ARFGEF1: variants seen among roughly 807,000 people sequenced by gnomAD.
ARFGEF1 encodes the protein ARF guanine nucleotide exchange factor 1.
A neutral mutation model predicts 231.0 loss-of-function variants in ARFGEF1; 42 were observed. The observed-to-expected ratio is 0.18, with a 90% CI of 0.14 to 0.24. ARFGEF1 has a LOEUF of 0.24. ARFGEF1 is among the 10% of genes least tolerant of loss of function. The probability of loss-of-function intolerance (pLI) is 1.00; values close to 1 mark genes in which losing one functional copy is unlikely to be tolerated. For missense variants in ARFGEF1, 1,345 were observed against 2,192.0 expected, an observed-to-expected ratio of 0.61 and a Z score of 7.72; for synonymous variants, 710 against 732.3, an observed-to-expected ratio of 0.97 and a Z score of 0.49.
intron 27 of ARFGEF1, among the ~76,000 whole-genome samples, chr8:67,226,891 A>G (rs1302973779): frequency 4.6e-5 from 7 of 152,126 alleles, no homozygotes; most frequent in Admixed American, 6.6e-5. Context: ...GGGATGGACA[A>G]TAATGTTTAA....
intron 7 of ARFGEF1, among the ~76,000 whole-genome samples, chr8:67,283,389 T>C (rs1805618151): frequency 1.3e-5 from 2 of 152,266 alleles, no homozygotes; most frequent in South Asian, 2.1e-4. Flanking sequence ...CCCAGTGATA[T>C]AATGAAATTC....
intron 1 of ARFGEF1, among the ~76,000 whole-genome samples, chr8:67,306,251 T>C (rs767685502): frequency 1.1e-4 from 16 of 152,164 alleles, no homozygotes; most frequent in Non-Finnish European, 1.6e-4. Context: ...TGTGACTAAA[T>C]GGGAAGGTAG....
intron 1 of ARFGEF1, among the ~76,000 whole-genome samples, chr8:67,334,069 G>C (rs895649826): frequency 6.8e-6 from 1 of 147,686 alleles, no homozygotes; most frequent in Admixed American, 6.9e-5. Context: ...CTGGGAAGCG[G>C]AAGTTACAGT....
downstream of ARFGEF1, among the ~76,000 whole-genome samples, chr8:67,193,051 CTA>C (rs890136313): frequency 6.6e-6 from 1 of 152,116 alleles, no homozygotes; most frequent in African/African-American, 2.4e-5. Flanking sequence ...TATACGTGCT[CTA>C]TATTTTCATG....
intron 29 of ARFGEF1, among the ~76,000 whole-genome samples, chr8:67,222,269 A>ATTTT (rs1174208098): frequency 8.8e-5 from 9 of 101,948 alleles, no homozygotes; most frequent in Non-Finnish European, 1.6e-4. Flanking sequence ...GTATGTATGT[A>ATTTT]TTTTTTTTTT....
At chr8:67,332,564 T>C (rs1050330478) in intron 1 of ARFGEF1, among the ~76,000 whole-genome samples, 1 of 152,238 alleles carries the variant, frequency 6.6e-6, no homozygotes, top group Non-Finnish European at 1.5e-5. Context: ...GATCCCATGA[T>C]GAACACATGA....
intron 19 of ARFGEF1, among the ~76,000 whole-genome samples, chr8:67,243,929 C>A (rs1317548698): frequency 6.6e-6 from 1 of 151,632 alleles, no homozygotes; most frequent in African/African-American, 2.4e-5. Flanking sequence ...AAAAAAAAAT[C>A]AAACAAAATT....
chr8:67,258,410 C>T, intron 15 of ARFGEF1, 120 bp from the exon 16 acceptor site: 1 of 673,252 alleles, frequency 1.5e-6, no homozygotes, highest in Non-Finnish European at 2.4e-6. Flanking sequence ...ACTGCAACCT[C>T]TGCCCCCAGG....
rs991839743 is a variant in ARFGEF1, at chr8:67,273,114, T to TAATAA, written c.1338-1183_1338-1179dup. Among the ~76,000 whole-genome samples, 15 of 151,908 alleles carry TAATAA rather than the reference T, an allele frequency of 9.9e-5. 1 individual carries two copies. The highest frequency in any genetic ancestry group is 3.9e-4 in the East Asian group (2 of 5,164). On this transcript the variant is annotated intron_variant, in intron 9 of 38. Coordinates refer to ENST00000262215, the MANE Select transcript of ARFGEF1 (RefSeq NM_006421.5). ...AGAGTGAGACTCCGTGTCCAAAAAA[T>TAATAA]AATAAAATAAAATAAAATAAAAATA...
intron 1 of ARFGEF1, among the ~76,000 whole-genome samples, chr8:67,339,699 A>AG (rs1461803012): frequency 2.8e-5 from 4 of 142,974 alleles, no homozygotes; most frequent in African/African-American, 1.1e-4. Context: ...CTCTCTGCAG[A>AG]GAGCTGTAGT....
At chr8:67,335,823 T>A (rs1378686909) in intron 1 of ARFGEF1, among the ~76,000 whole-genome samples, 3 of 152,026 alleles carry the variant, frequency 2.0e-5, no homozygotes, top group Non-Finnish European at 4.4e-5. Flanking sequence ...CTTGGCTCAC[T>A]GCAACCTCCG....
chr8:67,185,117 A>T (rs560049447), intron 5 of ARFGEF1, among the ~76,000 whole-genome samples: 1 of 149,500 alleles, frequency 6.7e-6, no homozygotes. Context: ...AAAAAAAAAA[A>T]CAAAAACAAA....
At chr8:67,259,752 T>C in intron 15 of ARFGEF1, 63 bp downstream of exon 15, 1 of 1,266,546 alleles carries the variant, frequency 7.9e-7, no homozygotes, top group South Asian at 1.4e-5. Context: ...CTGTCTCTAA[T>C]AAAAAGAAAA....
chr8:67,272,565 T>C (rs892048574), intron 9 of ARFGEF1, among the ~76,000 whole-genome samples: 2 of 152,208 alleles, frequency 1.3e-5, no homozygotes. Flanking sequence ...ATATGTTGTG[T>C]TCCTTTCTTT....
At chr8:67,214,321 G>A (rs1247338796) in intron 33 of ARFGEF1, among the ~76,000 whole-genome samples, 1 of 152,214 alleles carries the variant, frequency 6.6e-6, no homozygotes, top group Non-Finnish European at 1.5e-5. Flanking sequence ...TGGCTGAATT[G>A]TTGGGTGGAA....
intron 7 of ARFGEF1, among the ~76,000 whole-genome samples, chr8:67,278,535 T>C (rs16933236): frequency 6.6e-5 from 10 of 152,110 alleles, no homozygotes. Context: ...CTCTCCAAAT[T>C]AGAACACCCT....
At chr8:67,233,016 A>C in intron 22 of ARFGEF1, 71 bp from the exon 23 acceptor site, 2 of 1,237,668 alleles carry the variant, frequency 1.6e-6, no homozygotes, top group Non-Finnish European at 2.3e-6. Flanking sequence ...AACAAGTTCT[A>C]AAACATACTT....
chr8:67,217,205 A>G (rs1264410158), intron 32 of ARFGEF1, among the ~76,000 whole-genome samples: 12 of 151,674 alleles, frequency 7.9e-5, no homozygotes, highest in African/African-American at 2.7e-4. Flanking sequence ...TTGGGAGGCT[A>G]AGGCAGGATA....
downstream of ARFGEF1, among the ~76,000 whole-genome samples, chr8:67,197,343 A>T (rs1361601326): frequency 6.6e-6 from 1 of 152,074 alleles, no homozygotes; most frequent in Non-Finnish European, 1.5e-5. Context: ...AGTCCTCACT[A>T]CTGGGGAGGG....
Sources: gnomAD v4.1 joint callset for allele counts (sites outside exome capture counted in the v4.1 genomes callset) on GRCh38, gnomAD v4.1.1 for gene constraint, MANE v1.5 for transcripts, NCBI Gene and HGNC (gene_info 2026-07-23, HGNC 2026-07-21) for gene names.